Variants in TTC6 observed in about 807,000 individuals in gnomAD.
TTC6 encodes tetratricopeptide repeat domain 6, also known as tetratricopeptide repeat protein 6.
A neutral mutation model predicts 210.4 loss-of-function variants in TTC6; 172 were observed. The ratio of observed to expected loss-of-function variants is 0.82; its 90% CI spans 0.72 to 0.93. The LOEUF is 0.93. Ranked by LOEUF, TTC6 falls within the 40% of genes least tolerant of loss-of-function variation. The pLI, the probability that TTC6 is intolerant of heterozygous loss-of-function variation, is 0.00. For synonymous variants in TTC6, 804 were observed against 819.6 expected, an observed-to-expected ratio of 0.98 and a Z score of 0.32; for missense variants, 2,414 against 2,318.1, an observed-to-expected ratio of 1.04 and a Z score of -0.85.
At chr14:37,816,508 G>A (rs1250778160) in intron 25 of TTC6, among the ~76,000 whole-genome samples, 3 of 152,146 alleles carry the variant, frequency 2.0e-5, no homozygotes, top group Non-Finnish European at 4.4e-5. Flanking sequence ...CTCCACAGAA[G>A]AGTGTAATAT....
rs369057485 is a variant in TTC6 at position 37,793,760 on chromosome 14, C to T, written c.3708+1346C>T. 1.2e-4 allele frequency among the ~76,000 whole-genome samples: 18 copies of T among 152,190 alleles called. No individual in the cohort carries two copies. The East Asian group carries it at 2.5e-3, about 21-fold the overall frequency. On this transcript the variant is annotated intron_variant, in intron 17 of 30. Transcript: ENST00000553443. ...TATAGTCAAAGGCTGTTCTGAGAGA[C>T]GAAAATCTCTGTGCAGTAATGATTG...
At chr14:37,804,916 TCCA>T in intron 21 of TTC6, 102 bp downstream of exon 23, 1 of 1,295,022 alleles carries the variant, frequency 7.7e-7, no homozygotes, top group East Asian at 2.3e-5. Flanking sequence ...GGGCAACCGG[TCCA>T]AAGCTGCTTA....
intron 17 of TTC6, 114 bp downstream of exon 19, chr14:37,792,528 A>AT: frequency 1.3e-6 from 1 of 781,254 alleles, no homozygotes; most frequent in Non-Finnish European, 1.8e-6. Flanking sequence ...GGGCTAATGC[A>AT]TTTATAAACA....
chr14:37,833,114 T>TCTG (rs2096189873), intron 29 of TTC6, among the ~76,000 whole-genome samples: 1 of 151,910 alleles, frequency 6.6e-6, no homozygotes, highest in South Asian at 2.1e-4. Flanking sequence ...ACTGTAAATG[T>TCTG]CTGCAAGATT....
At chr14:37,693,387 GAT>G (rs977324009) in intron 3 of TTC6, among the ~76,000 whole-genome samples, 1 of 152,060 alleles carries the variant, frequency 6.6e-6, no homozygotes, top group Non-Finnish European at 1.5e-5. Flanking sequence ...AAAATGGAAA[GAT>G]ATTCCATGTT....
At chr14:37,756,314 T>A (rs1045057975) in intron 14 of TTC6, among the ~76,000 whole-genome samples, 2 of 152,214 alleles carry the variant, frequency 1.3e-5, no homozygotes, top group Non-Finnish European at 2.9e-5. Flanking sequence ...TTTGACTTCT[T>A]CTCTTCCTAT....
chr14:37,602,706 T>G (rs913327878), intron 1 of TTC6, among the ~76,000 whole-genome samples: 4 of 152,162 alleles, frequency 2.6e-5, no homozygotes, highest in Non-Finnish European at 4.4e-5. Context: ...TTTCAGGTCC[T>G]CTTCTCCAAA....
intron 5 of TTC6, among the ~76,000 whole-genome samples, chr14:37,711,153 G>T (rs34184341): frequency 0.057 from 8,713 of 152,200 alleles, 385 homozygotes; most frequent in Non-Finnish European, 0.089. Flanking sequence ...CAATGATTCT[G>T]CTTCCCAGGG....
intron 1 of TTC6, among the ~76,000 whole-genome samples, chr14:37,661,498 C>T (rs1391618562): frequency 1.3e-5 from 2 of 152,048 alleles, no homozygotes. Context: ...TATCTTAATT[C>T]TGAGTTCTCT....
At chr14:37,792,395 G>T (rs759969389) in exon 17 of TTC6, 8 of 1,509,042 alleles carry the variant, frequency 5.3e-6, no homozygotes, top group Non-Finnish European at 6.2e-6. Flanking sequence ...TATCTTTGTC[G>T]GGCGGAAACC....
chr14:37,832,645 G>GTT (rs1283968737), intron 29 of TTC6, among the ~76,000 whole-genome samples: 1 of 151,866 alleles, frequency 6.6e-6, no homozygotes, highest in Non-Finnish European at 1.5e-5. Flanking sequence ...TGTTGTTGAT[G>GTT]TTTTATTCCC....
chr14:37,798,040 G>A (rs2096096685), intron 20 of TTC6, among the ~76,000 whole-genome samples: 1 of 152,088 alleles, frequency 6.6e-6, no homozygotes, highest in Admixed American at 6.6e-5. Flanking sequence ...GCAGTACAAT[G>A]TCTTAATTGC....
intron 1 of TTC6, among the ~76,000 whole-genome samples, chr14:37,599,645 G>C (rs530985827): frequency 6.6e-6 from 1 of 152,230 alleles, no homozygotes; most frequent in South Asian, 2.1e-4. Flanking sequence ...GCCCGCGGGC[G>C]ACAAAACCGT....
At chr14:37,768,480 G>A (rs2139158106) in intron 14 of TTC6, among the ~76,000 whole-genome samples, 1 of 152,254 alleles carries the variant, frequency 6.6e-6, no homozygotes, top group East Asian at 1.9e-4. Flanking sequence ...ATTTCATTGA[G>A]CAGTGGTTTG....
exon 10 of TTC6, chr14:37,739,083 A>G: frequency 6.5e-7 from 1 of 1,531,296 alleles, no homozygotes; most frequent in Non-Finnish European, 8.7e-7. Flanking sequence ...ATGAGATGGA[A>G]GAAAAGATTG....
intron 14 of TTC6, among the ~76,000 whole-genome samples, chr14:37,759,563 C>A (rs367730363): frequency 6.6e-6 from 1 of 151,616 alleles, no homozygotes; most frequent in African/African-American, 2.4e-5. Flanking sequence ...CGCTAGATTG[C>A]GGTTCTCCCG....
intron 6 of TTC6, among the ~76,000 whole-genome samples, chr14:37,716,456 A>C (rs4901140): frequency 6.6e-6 from 1 of 151,874 alleles, no homozygotes; most frequent in African/African-American, 2.4e-5. Flanking sequence ...AATTTAAAAC[A>C]TAATGATATA....
chr14:37,595,708 A>G (rs1248838560), upstream of TTC6: 1 of 152,176 alleles, frequency 6.6e-6, no homozygotes, highest in African/African-American at 2.4e-5. Flanking sequence ...CCCTCCCCAG[A>G]GGTACACGCC....
At position 37,598,973 on chromosome 14, in the gene TTC6, A is replaced by G. The variant is rs1566829874; in HGVS notation, c.-235+2965A>G. On this transcript the variant is annotated intron_variant, in intron 1 of 2. Transcript: ENST00000556845. The surrounding 1 kb of genome is among the most constrained non-coding windows in gnomAD (Gnocchi z 4.9). ...TAAGAAGCTTAAGTCCTCCTTCTGC[A>G]GGGGAGAATCGGATGCAATGAAACT... is the stretch of plus-strand genomic sequence containing the variant. Among the ~76,000 whole-genome samples the G allele has an allele frequency of 7.6e-6, 1 of 131,390 alleles. No homozygotes were observed. Among genetic ancestry groups the G allele is most frequent in the Middle Eastern group, 5.6e-3 (1 of 178 alleles). 86.2% of individuals were successfully genotyped at this position (131,390 alleles called of 152,430 possible). A position where few individuals can be genotyped will look rare whatever the true frequency, so the allele number is the denominator to read the frequency against.
Sources: allele counts gnomAD v4.1 joint callset (sites outside exome capture counted in the v4.1 genomes callset), GRCh38; gene constraint gnomAD v4.1.1; non-coding constraint Gnocchi (gnomAD v3.1); transcripts MANE v1.5; gene names NCBI Gene and HGNC (gene_info 2026-07-23, HGNC 2026-07-21).